The following ARHGAP27 variants were observed in gnomAD, a reference collection of about 807,000 sequenced individuals.
ARHGAP27 encodes Rho GTPase activating protein 27.
In ARHGAP27, 53 loss-of-function variants were observed where a neutral mutation model predicts 102.0. That is an observed-to-expected ratio of 0.52 (90% CI 0.42 to 0.65). The LOEUF (loss-of-function observed/expected upper bound fraction) is 0.65. Among genes scored for constraint, ARHGAP27 ranks in the 30% least tolerant of loss-of-function variants. ARHGAP27 has a pLI of 0.00. For synonymous variants in ARHGAP27, 525 were observed against 542.8 expected (o/e 0.97, Z 0.46); for missense variants, 1,117 against 1,256.2 (o/e 0.89, Z 1.68).
At chr17:45,410,138 A>T in intron 4 of ARHGAP27, 1 of 1,398,850 alleles carries the variant, frequency 7.1e-7, no homozygotes, top group Non-Finnish European at 9.5e-7. Context: ...CCAACTTCCA[A>T]GAGGCTCCCT....
rs1248275771 is a variant in ARHGAP27 at position 45,396,279 on chromosome 17, C to G, written c.2179G>C (p.Asp727His). 1.9e-6 allele frequency: 3 copies of G among 1,612,106 alleles called. No individual in the cohort carries two copies. Among genetic ancestry groups the G allele is most frequent in the Non-Finnish European group, 1.7e-6 (2 of 1,179,266 alleles). The change falls in exon 17 of 20, where the codon GAC becomes CAC. Residue 727 changes from aspartate (D) to histidine (H), a missense_variant. Coordinates refer to ENST00000685559, the MANE Select transcript of ARHGAP27 (RefSeq NM_001282290.2). ...CTGATGCGGTACAGCCCGTCGATGT[C>G]CAGCCCTGGGCCAGAGGGAGGCGCT... ...CIRAVEARGL[D>H]IDGLYRISGN...
rs951131045 is a variant in ARHGAP27, at chr17:45,427,720, G to A, written c.657+1903C>T. ...GGAAACAGGACCAGAGATGCAAAGCGACTTGTGGAGGTCACAAGTGGGGCC... is the reference window on the plus strand; with the variant it reads ...GGAAACAGGACCAGAGATGCAAAGCAACTTGTGGAGGTCACAAGTGGGGCC... On this transcript the variant is annotated intron_variant, in intron 4 of 19. Coordinates refer to ENST00000685559, the MANE Select transcript of ARHGAP27 (RefSeq NM_001282290.2). This position sits in a 1 kb window ranked among gnomAD's most constrained non-coding sequence, Gnocchi z 4.5. Among the ~76,000 whole-genome samples the A allele has an allele frequency of 2.6e-5, 4 of 152,190 alleles. No homozygotes were observed. The highest frequency in any genetic ancestry group is 7.2e-5 in the African/African-American group (3 of 41,452).
Position 45,430,421 on chromosome 17 carries a change from G to T in ARHGAP27, c.-18-124C>A. 1 of 1,372,196 alleles carries T rather than the reference G, an allele frequency of 7.3e-7. No homozygotes were observed. Among genetic ancestry groups the T allele is most frequent in the Non-Finnish European group, 9.6e-7 (1 of 1,040,786 alleles). The allele number at this position is 1,372,196 out of a possible 1,614,324, so 85.0% of individuals were successfully genotyped here. Reference sequence around the variant, plus strand: ...ACTCGCCGTTCGCCTTCGGGCCTCAGTTTTCCCATCTCTAAAATGGGAACT... The same window carrying T: ...ACTCGCCGTTCGCCTTCGGGCCTCATTTTTCCCATCTCTAAAATGGGAACT... On this transcript the variant is annotated intron_variant, in intron 3 of 19. Coordinates refer to ENST00000685559, the MANE Select transcript of ARHGAP27 (RefSeq NM_001282290.2). The surrounding 1 kb of genome is among the most constrained non-coding windows in gnomAD (Gnocchi z 4.4).
intron 14 of ARHGAP27, 44 bp downstream of exon 14, chr17:45,396,872 G>A: frequency 1.9e-6 from 3 of 1,607,428 alleles, no homozygotes; most frequent in Non-Finnish European, 2.5e-6. Context: ...CACTCCCCAG[G>A]AGAGGCCTCC....
In ARHGAP27 at chr17:45,402,743, C is replaced by T. The variant is rs774189135; in HGVS notation, c.1714G>A (p.Asp572Asn). 52 of 1,613,558 alleles carry T rather than the reference C, an allele frequency of 3.2e-5. 1 individual carries two copies. In the South Asian group the frequency reaches 5.6e-4, roughly 17 times the overall value. Residue 572 changes from aspartate (D) to asparagine (N), a missense_variant, in exon 12 of 20, where the codon GAC becomes AAC. Transcript: ENST00000685559. Reference protein sequence around the residue: ...RGATLSWAPKDKSSRKNVLEL... With the variant: ...RGATLSWAPKNKSSRKNVLEL... ...AGCACATTCTTCCTACTGGATTTGT[C>T]TTTGGGGGCCCAGGAGAGAGTGGCC...
Position 45,402,756 on chromosome 17 carries a change from G to A in ARHGAP27, c.1701C>T (p.Ser567=), listed in dbSNP as rs750109008. The A allele has an allele frequency of 6.8e-6, 11 of 1,613,392 alleles. No individual in the cohort carries two copies. The South Asian group carries it at 1.2e-4, about 18-fold the overall frequency. ...YTVELRGATL[S]WAPKDKSSRK... ...TACTGGATTTGTCTTTGGGGGCCCA[G>A]GAGAGAGTGGCCCCCCTCAGCTCCA... The change falls in exon 12 of 20, where the codon TCC becomes TCT. Residue 567 remains serine, a synonymous_variant. Transcript: ENST00000685559.
intron 18 of ARHGAP27, 61 bp from the exon 19 acceptor site, chr17:45,395,910 G>T: frequency 6.4e-7 from 1 of 1,566,752 alleles, no homozygotes. Context: ...TATCGGCTGG[G>T]CGAGGGGAGC....
chr17:45,397,325 T>A, intron 13 of ARHGAP27: 1 of 1,284,054 alleles, frequency 7.8e-7, no homozygotes, highest in East Asian at 3.4e-5. Context: ...TTTCCTCAGC[T>A]CCTCTAACTG....
intron 4 of ARHGAP27, among the ~76,000 whole-genome samples, chr17:45,412,387 C>T (rs1022830210): frequency 6.6e-6 from 1 of 152,232 alleles, no homozygotes; most frequent in African/African-American, 2.4e-5. Flanking sequence ...CTGCACAACA[C>T]CCCTCCTTTC....
chr17:45,408,135 A>T (rs1182220701), intron 4 of ARHGAP27: 3 of 151,460 alleles, frequency 2.0e-5, no homozygotes, highest in Non-Finnish European at 4.4e-5. Flanking sequence ...AAAAAAAAAA[A>T]TTCATTTTTC....
At chr17:45,429,341 G>A (rs563406375) in intron 4 of ARHGAP27, 30 of 1,082,686 alleles carry the variant, frequency 2.8e-5, no homozygotes, top group African/African-American at 5.0e-5. Context: ...AAGACCATCA[G>A]CAGCCTCACA....
rs780663481 is a variant in ARHGAP27 at position 45,404,601 on chromosome 17, C to A, written c.1329G>T (p.Gln443His). 6.2e-7 allele frequency: 1 copy of A among 1,613,904 alleles called. No homozygotes were observed. The highest frequency in any genetic ancestry group is 1.1e-5 in the South Asian group (1 of 91,088). ...CACCCCCCTTTCCCCAGGTTGTTACCTGGGGCAGCTCCCATCGAACAGAGG... is the reference window on the plus strand; with the variant it reads ...CACCCCCCTTTCCCCAGGTTGTTACATGGGGCAGCTCCCATCGAACAGAGG... ...EDSSVRWELP[Q>H]VPVPAPRSIH... Residue 443 changes from glutamine to histidine, a missense_variant and splice_region_variant, in exon 7 of 20, where the codon CAG (glutamine) becomes CAT (histidine). Gln to His is a conservative substitution (Grantham distance 24). Around this residue, in one of 3 missense-constraint regions of ARHGAP27, gnomAD observed 610 missense variants for 716.4 expected, o/e 0.85. Coordinates refer to ENST00000685559, the MANE Select transcript of ARHGAP27 (RefSeq NM_001282290.2).
Position 45,395,845 on chromosome 17 carries a change from C to A in ARHGAP27, c.2391G>T (p.Leu797Phe), listed in dbSNP as rs1382552489. 6 of 1,600,678 alleles carry A rather than the reference C, an allele frequency of 3.7e-6. No individual in the cohort carries two copies. Among genetic ancestry groups the A allele is most frequent in the Admixed American group, 3.4e-5 (2 of 58,602 alleles). ...AGCGGCTGCGCCGGGCCTGGTCCTG[C>A]AACTCTGGGTGAGGGAAGGTTTAGA... ...HFRQFIAAIK[L>F]QDQARRSRCV... The change falls in exon 19 of 20, where the codon TTG becomes TTT. Residue 797 changes from leucine to phenylalanine, a missense_variant. Physicochemically the swap from Leu to Phe is conservative, Grantham distance 22. Transcript: ENST00000685559.
At chr17:45,395,938 C>G in intron 18 of ARHGAP27, 45 bp downstream of exon 18, 1 of 1,571,964 alleles carries the variant, frequency 6.4e-7, no homozygotes, top group Non-Finnish European at 8.6e-7. Context: ...AGGGGTGCCC[C>G]GCCACGCCCC....
Position 45,429,938 on chromosome 17 carries a change from T to C in ARHGAP27, c.342A>G (p.Gly114=). The C allele has an allele frequency of 8.8e-7, 1 of 1,132,040 alleles. No individual in the cohort carries two copies. The highest frequency in any genetic ancestry group is 5.1e-5 in the Admixed American group (1 of 19,648). 70.1% of individuals were successfully genotyped at this position (1,132,040 alleles called of 1,614,324 possible). The change falls in exon 4 of 20, where the codon GGA becomes GGG. Residue 114 remains glycine (G), a synonymous_variant. Transcript: ENST00000685559. ...GGCCGCACAGGGAGCTGGCTCGGCCTCCGGACTCCTCGGGGGCGCCGTCGG... is the reference window on the plus strand; with the variant it reads ...GGCCGCACAGGGAGCTGGCTCGGCCCCCGGACTCCTCGGGGGCGCCGTCGG... ...AGPDGAPEES[G]GRASSLCGPA...
In ARHGAP27 at chr17:45,404,604, G is replaced by A; in HGVS notation, c.1326C>T (p.Pro442=). ...CCCCCTTTCCCCAGGTTGTTACCTG[G>A]GGCAGCTCCCATCGAACAGAGGAGT... is the stretch of plus-strand genomic sequence containing the variant. ...PEDSSVRWEL[P]QVPVPAPRSI... is the part of the protein sequence containing the mutation. The change falls in exon 7 of 20, where the codon CCC becomes CCT. Residue 442 remains proline (P), a synonymous_variant. Coordinates refer to ENST00000685559, the MANE Select transcript of ARHGAP27 (RefSeq NM_001282290.2). 6.2e-7 allele frequency: 1 copy of A among 1,614,026 alleles called. No individual in the cohort carries two copies. The highest frequency in any genetic ancestry group is 8.5e-7 in the Non-Finnish European group (1 of 1,179,960).
intron 4 of ARHGAP27, among the ~76,000 whole-genome samples, chr17:45,428,655 C>T (rs1464739168): frequency 6.6e-6 from 1 of 152,132 alleles, no homozygotes; most frequent in Non-Finnish European, 1.5e-5. Flanking sequence ...TCAGGTACAG[C>T]GAAAGAAATC....
intron 4 of ARHGAP27, among the ~76,000 whole-genome samples, chr17:45,419,149 G>GCCGCTACCAGACC (rs2048770927): frequency 7.2e-5 from 11 of 152,220 alleles, no homozygotes; most frequent in African/African-American, 2.7e-4. Flanking sequence ...CACTAAAGAT[G>GCCGCTACCAGACC]CCATCACAGG....
chr17:45,400,871 C>T (rs1336672407), intron 12 of ARHGAP27, among the ~76,000 whole-genome samples: 1 of 151,982 alleles, frequency 6.6e-6, no homozygotes, highest in East Asian at 1.9e-4. Flanking sequence ...GCCAAGATTG[C>T]ACCACTGCAC....
Sources: allele counts gnomAD v4.1 joint callset (sites outside exome capture counted in the v4.1 genomes callset), GRCh38; gene constraint gnomAD v4.1.1; regional missense constraint gnomAD v4.1.1; non-coding constraint Gnocchi (gnomAD v3.1); transcripts MANE v1.5; gene names NCBI Gene and HGNC (gene_info 2026-07-23, HGNC 2026-07-21).